EXOSC2: variants seen among roughly 807,000 people sequenced by gnomAD.
EXOSC2 encodes exosome component 2, also known as exosome complex component RRP4.
A neutral mutation model predicts 37.6 loss-of-function variants in EXOSC2; 29 were observed. The ratio of observed to expected loss-of-function variants is 0.77; its 90% CI spans 0.57 to 1.05. The LOEUF (loss-of-function observed/expected upper bound fraction) is 1.05, where lower values mean the gene tolerates loss of function less well. Ranked by LOEUF, EXOSC2 falls within the 50% of genes least tolerant of loss-of-function variation. The probability of loss-of-function intolerance (pLI) is 0.00; values close to 1 mark genes in which losing one functional copy is unlikely to be tolerated. For missense variants in EXOSC2, 346 were observed against 365.6 expected, an observed-to-expected ratio of 0.95 and a Z score of 0.44; for synonymous variants, 119 against 131.1, an observed-to-expected ratio of 0.91 and a Z score of 0.63.
In EXOSC2 at chr9:130,698,976, T is replaced by C. The variant is rs1279649803; in HGVS notation, c.361-353T>C. On this transcript the variant is annotated intron_variant, in intron 4 of 8. Coordinates refer to ENST00000372358, the MANE Select transcript of EXOSC2 (RefSeq NM_014285.7). This position sits in a 1 kb window ranked among gnomAD's most constrained non-coding sequence, Gnocchi z 4.1. Reference sequence around the variant, plus strand: ...TCAGGGAATCTGAGATAAAGGGAAATGTATGAGCAGAGATATATCCAAGCA... The same window carrying C: ...TCAGGGAATCTGAGATAAAGGGAAACGTATGAGCAGAGATATATCCAAGCA... Among the ~76,000 whole-genome samples, 1 of 151,884 alleles carries C rather than the reference T, an allele frequency of 6.6e-6. No homozygotes were observed. Among genetic ancestry groups the C allele is most frequent in the Non-Finnish European group, 1.5e-5 (1 of 67,992 alleles).
Position 130,703,651 on chromosome 9 carries a change from T to C in EXOSC2, c.802-43T>C, listed in dbSNP as rs770662804. ...TTGGATTGGCTTGGTGGTCTGTTTA[T>C]GGTTGGTTTCTTTTCTGAACAAATG... On this transcript the variant is annotated intron_variant, in intron 8 of 8. Coordinates refer to ENST00000372358, the MANE Select transcript of EXOSC2 (RefSeq NM_014285.7). 1.2e-5 allele frequency: 18 copies of C among 1,517,694 alleles called. No homozygotes were observed. In the South Asian group the frequency reaches 1.9e-4, roughly 16 times the overall value. 94.0% of individuals were successfully genotyped at this position (1,517,694 alleles called of 1,614,324 possible). A position where few individuals can be genotyped will look rare whatever the true frequency, so the allele number is the denominator to read the frequency against.
At chr9:130,696,788 A>G (rs1251611289) in intron 2 of EXOSC2, among the ~76,000 whole-genome samples, 1 of 152,070 alleles carries the variant, frequency 6.6e-6, no homozygotes, top group Non-Finnish European at 1.5e-5. Context: ...CTTGTCCTGG[A>G]GCGTGAGAGA....
At chr9:130,695,397 G>A in intron 1 of EXOSC2, 95 bp from the exon 2 acceptor site, 1 of 1,042,752 alleles carries the variant, frequency 9.6e-7, no homozygotes, top group Non-Finnish European at 1.5e-6. Context: ...TGCAGGGGGA[G>A]CCTGTTAGCT....
intron 5 of EXOSC2, among the ~76,000 whole-genome samples, chr9:130,700,537 T>A (rs1831193448): frequency 6.6e-6 from 1 of 151,360 alleles, no homozygotes; most frequent in Non-Finnish European, 1.5e-5. Context: ...TTTTGTACTT[T>A]TAGTAGAGAC....
rs1276744565 is a variant in EXOSC2 at position 130,694,964 on chromosome 9, C to T, written c.123-528C>T. Reference sequence around the variant, plus strand: ...GACCTCAAGTGTGATCTGCCCGCCTCGGCCTCCCAAAGTGCTGGGATTACA... The same window carrying T: ...GACCTCAAGTGTGATCTGCCCGCCTTGGCCTCCCAAAGTGCTGGGATTACA... On this transcript the variant is annotated intron_variant, in intron 1 of 8. Coordinates refer to ENST00000372358, the MANE Select transcript of EXOSC2 (RefSeq NM_014285.7). This position sits in a 1 kb window ranked among gnomAD's most constrained non-coding sequence, Gnocchi z 4.0. 6.6e-6 allele frequency among the ~76,000 whole-genome samples: 1 copy of T among 151,964 alleles called. No homozygotes were observed. The highest frequency in any genetic ancestry group is 2.4e-5 in the African/African-American group (1 of 41,358).
chr9:130,698,538 T>C lies in EXOSC2; in HGVS notation c.360+287T>C, dbSNP rs1831146362. Among the ~76,000 whole-genome samples the C allele has an allele frequency of 6.6e-6, 1 of 152,204 alleles. No individual in the cohort carries two copies. On this transcript the variant is annotated intron_variant, in intron 4 of 8. Transcript: ENST00000372358. This position sits in a 1 kb window ranked among gnomAD's most constrained non-coding sequence, Gnocchi z 4.1. ...CTTAGATGCTGGTTGTTAACAGTTT[T>C]CCTTTTTGGATATAACAGCCTTGCA...
chr9:130,699,304 A>G (rs200061464), intron 4 of EXOSC2, 25 bp from the exon 5 acceptor site: 19 of 1,612,744 alleles, frequency 1.2e-5, no homozygotes, highest in African/African-American at 2.7e-5. Flanking sequence ...TGGCTTAAGT[A>G]ATGTCATTTC....
intron 2 of EXOSC2, 86 bp downstream of exon 2, chr9:130,695,679 C>G (rs1004106463): frequency 8.9e-7 from 1 of 1,121,876 alleles, no homozygotes; most frequent in Non-Finnish European, 1.3e-6. Context: ...TCCCCCACCC[C>G]ACCCCTGCCT....
At position 130,694,289 on chromosome 9, in the gene EXOSC2, C is replaced by T. The variant is rs970774091; in HGVS notation, c.122+376C>T. Among the ~76,000 whole-genome samples, 5 of 152,020 alleles carry T rather than the reference C, an allele frequency of 3.3e-5. No homozygotes were observed. Among genetic ancestry groups the T allele is most frequent in the African/African-American group, 1.2e-4 (5 of 41,382 alleles). ...GGACGGTGGGCGTTCTTGGCTGCCT[C>T]CTCTTCAGTTTAGAATCCGTAATTG... On this transcript the variant is annotated intron_variant, in intron 1 of 8. Coordinates refer to ENST00000372358, the MANE Select transcript of EXOSC2 (RefSeq NM_014285.7). This position sits in a 1 kb window ranked among gnomAD's most constrained non-coding sequence, Gnocchi z 4.0.
At chr9:130,702,668 C>A (rs1481730575) in intron 7 of EXOSC2, among the ~76,000 whole-genome samples, 1 of 152,128 alleles carries the variant, frequency 6.6e-6, no homozygotes, top group Non-Finnish European at 1.5e-5. Context: ...CATCTCGGCT[C>A]ACTGCAAGCT....
rs1047828194 is a variant in EXOSC2 at position 130,698,805 on chromosome 9, G to A, written c.361-524G>A. 3.9e-5 allele frequency among the ~76,000 whole-genome samples: 6 copies of A among 152,180 alleles called. No homozygotes were observed. Among genetic ancestry groups the A allele is most frequent in the African/African-American group, 1.4e-4 (6 of 41,436 alleles). ...AGCACGATTGAGTTCCCCAGCAGGG[G>A]ATATAAGATAACTGACCTAGTCCCT... On this transcript the variant is annotated intron_variant, in intron 4 of 8. Coordinates refer to ENST00000372358, the MANE Select transcript of EXOSC2 (RefSeq NM_014285.7). The surrounding 1 kb of genome is among the most constrained non-coding windows in gnomAD (Gnocchi z 4.1).
intron 6 of EXOSC2, 63 bp downstream of exon 6, chr9:130,700,998 C>T (rs1443671679): frequency 6.5e-7 from 1 of 1,534,128 alleles, no homozygotes; most frequent in African/African-American, 1.4e-5. Context: ...TTTGAATCCC[C>T]ATAGCTCTCT....
In EXOSC2 at chr9:130,698,278, C is replaced by CTA. The variant is rs1417630514; in HGVS notation, c.360+28_360+29dup. 5.6e-6 allele frequency: 9 copies of CTA among 1,607,544 alleles called. No homozygotes were observed. In the Admixed American group the frequency reaches 8.3e-5, roughly 15 times the overall value. On this transcript the variant is annotated intron_variant, in intron 4 of 8. Coordinates refer to ENST00000372358, the MANE Select transcript of EXOSC2 (RefSeq NM_014285.7). The surrounding 1 kb of genome is among the most constrained non-coding windows in gnomAD (Gnocchi z 4.1). ...TAAGGGCTACAGCTGGGGCCATGGA[C>CTA]TAGGGCCCAGTGGGCTGGGGGGAGC...
chr9:130,700,659 T>G (rs968357902), intron 5 of EXOSC2, among the ~76,000 whole-genome samples: 1 of 152,050 alleles, frequency 6.6e-6, no homozygotes, highest in Non-Finnish European at 1.5e-5. Context: ...GCACCTGGCC[T>G]TCTGTCTGTA....
At position 130,693,800 on chromosome 9, in the gene EXOSC2, G is replaced by A. The variant is rs1384987807; in HGVS notation, c.9G>A (p.Met3Ile). 1 of 1,605,898 alleles carries A rather than the reference G, an allele frequency of 6.2e-7. No homozygotes were observed. The highest frequency in any genetic ancestry group is 2.2e-5 in the East Asian group (1 of 44,486). The change falls in exon 1 of 9, where the codon ATG becomes ATA. Residue 3 changes from methionine to isoleucine, a missense_variant. By Grantham distance (10) the Met-to-Ile change is conservative (BLOSUM62 1). Transcript: ENST00000372358. The part of the protein sequence containing the change: MA[M>I]EMRLPVARKP... The stretch of plus-strand genomic sequence containing the variant: ...AACTCATTGGCGCCAAGATGGCGAT[G>A]GAGATGAGGCTTCCAGTGGCTCGCA...
chr9:130,704,357 C>G lies in EXOSC2; in HGVS notation c.*583C>G, dbSNP rs1831281512. 6.6e-6 allele frequency: 1 copy of G among 152,158 alleles called. No individual in the cohort carries two copies. The highest frequency in any genetic ancestry group is 1.5e-5 in the Non-Finnish European group (1 of 68,096). 9.4% of individuals were successfully genotyped at this position (152,158 alleles called of 1,614,324 possible). On this transcript the variant is annotated 3_prime_UTR_variant, in exon 9 of 9. Transcript: ENST00000372358. The stretch of plus-strand genomic sequence containing the variant: ...CCAGCCTGGCCAACAAGGTGAAACC[C>G]CATCTCTACTAAAAATACAAAAAAT...
rs370647022 is a variant in EXOSC2, at chr9:130,703,993, G to A, written c.*219G>A. 239 of 407,606 alleles carry A rather than the reference G, an allele frequency of 5.9e-4. 4 individuals carry two copies. The highest frequency in any genetic ancestry group is 2.0e-3 in the Middle Eastern group (3 of 1,538). 25.2% of individuals were successfully genotyped at this position (407,606 alleles called of 1,614,324 possible). A position where few individuals can be genotyped will look rare whatever the true frequency, so the allele number is the denominator to read the frequency against. ...TTCCTTGGGTTGCCAGCTGAGTCCC[G>A]GTATTAGGGAATAGTTTCAGCTCTT... On this transcript the variant is annotated 3_prime_UTR_variant, in exon 9 of 9. Transcript: ENST00000372358.
chr9:130,701,785 G>A, intron 6 of EXOSC2: 1 of 1,022,368 alleles, frequency 9.8e-7, no homozygotes, highest in Non-Finnish European at 1.2e-6. Flanking sequence ...TAGGGTCATG[G>A]AACAACGCAG....
chr9:130,698,322 A>G lies in EXOSC2; in HGVS notation c.360+71A>G, dbSNP rs950095342. The G allele has an allele frequency of 1.4e-5, 20 of 1,415,504 alleles. No homozygotes were observed. The highest frequency in any genetic ancestry group is 1.9e-5 in the Non-Finnish European group (19 of 1,010,068). 87.7% of individuals were successfully genotyped at this position (1,415,504 alleles called of 1,614,324 possible). ...GGGGAGCCGTGGGACCCTTTGTTCC[A>G]CCAGAGGACTTTGATTTACACTGAG... On this transcript the variant is annotated intron_variant, in intron 4 of 8. Transcript: ENST00000372358. This position sits in a 1 kb window ranked among gnomAD's most constrained non-coding sequence, Gnocchi z 4.1.
Sources: gnomAD v4.1 joint callset for allele counts (sites outside exome capture counted in the v4.1 genomes callset) on GRCh38, gnomAD v4.1.1 for gene constraint, Gnocchi (gnomAD v3.1) non-coding constraint, MANE v1.5 for transcripts, NCBI Gene and HGNC (gene_info 2026-07-23, HGNC 2026-07-21) for gene names.